The following SOS1 variants were observed in gnomAD, a reference collection of about 807,000 sequenced individuals.
SOS1 encodes son of sevenless homolog 1.
A neutral mutation model predicts 157.6 loss-of-function variants in SOS1; 25 were observed. The observed-to-expected ratio is 0.16, with a 90% CI of 0.12 to 0.22. The LOEUF is 0.22. Among genes scored for constraint, SOS1 ranks in the 10% least tolerant of loss-of-function variants. The pLI, the probability that SOS1 is intolerant of heterozygous loss-of-function variation, is 1.00. For missense variants in SOS1, 1,237 were observed against 1,599.1 expected, an observed-to-expected ratio of 0.77 and a Z score of 3.86; for synonymous variants, 528 against 534.0, an observed-to-expected ratio of 0.99 and a Z score of 0.16.
rs192339222 is a variant in SOS1 at position 38,985,478 on chromosome 2, T to C, written c.*346A>G. 9 of 209,720 alleles carry C rather than the reference T, an allele frequency of 4.3e-5. 1 individual carries two copies. The highest frequency in any genetic ancestry group is 4.1e-4 in the Admixed American group (8 of 19,654). The allele number at this position is 209,720 out of a possible 1,614,324, so 13.0% of individuals were successfully genotyped here. ...TACAAAAACTGTCATGTGGGCCTGC[T>C]GGACACTAGACTGTGTTTTCCATCC... On this transcript the variant is annotated 3_prime_UTR_variant, in exon 23 of 23. Transcript: ENST00000402219.
At chr2:39,087,707 A>T (rs1201098008) in intron 1 of SOS1, among the ~76,000 whole-genome samples, 1 of 152,140 alleles carries the variant, frequency 6.6e-6, no homozygotes, top group African/African-American at 2.4e-5. Context: ...GAGTCTCTGT[A>T]ACCCAGGTTG....
chr2:39,093,008 A>G (rs928565920), intron 1 of SOS1, among the ~76,000 whole-genome samples: 1 of 152,214 alleles, frequency 6.6e-6, no homozygotes, highest in Admixed American at 6.5e-5. Flanking sequence ...GTAAACTGTG[A>G]CTCTTAAAAA....
intron 4 of SOS1, among the ~76,000 whole-genome samples, chr2:39,056,050 T>G (rs1236391228): frequency 6.6e-6 from 1 of 152,224 alleles, no homozygotes; most frequent in Non-Finnish European, 1.5e-5. Context: ...GAAGTAAAAC[T>G]ATCGTTTTGT....
At chr2:39,110,801 T>C (rs894538439) in intron 1 of SOS1, among the ~76,000 whole-genome samples, 2 of 152,214 alleles carry the variant, frequency 1.3e-5, no homozygotes, top group African/African-American at 2.4e-5. Flanking sequence ...TTTGACTCCA[T>C]CAGTATTAAA....
chr2:39,067,127 C>T (rs1340843245), intron 2 of SOS1, among the ~76,000 whole-genome samples: 1 of 152,034 alleles, frequency 6.6e-6, no homozygotes, highest in Non-Finnish European at 1.5e-5. Context: ...CCTCCTGACT[C>T]AGCGTCCTGA....
At chr2:39,027,755 A>T (rs2373496) in intron 8 of SOS1, among the ~76,000 whole-genome samples, 140,937 of 152,242 alleles carry the variant, frequency 0.93, 65,334 homozygotes, top group African/African-American at 0.94. Context: ...GAATAGTTTT[A>T]AAAAAAGTAC....
At chr2:39,071,500 C>T (rs1671791951) in intron 1 of SOS1, among the ~76,000 whole-genome samples, 1 of 152,070 alleles carries the variant, frequency 6.6e-6, no homozygotes, top group South Asian at 2.1e-4. Flanking sequence ...CACAAAGGAT[C>T]CCAATGTTTA....
In SOS1 at chr2:39,023,034, T is replaced by C; in HGVS notation, c.1394A>G (p.Asp465Gly). The C allele has an allele frequency of 6.2e-7, 1 of 1,613,720 alleles. No individual in the cohort carries two copies. Among genetic ancestry groups the C allele is most frequent in the Non-Finnish European group, 8.5e-7 (1 of 1,179,702 alleles). The change falls in exon 10 of 23, where the codon GAT becomes GGT. Residue 465 changes from aspartate (D) to glycine (G), a missense_variant. Transcript: ENST00000402219. ...TGATTTACAGCAAATCATTAAGCCA[T>C]CAAAGAGAAATATGTGTCTCTCATG... is the stretch of plus-strand genomic sequence containing the variant. ...AKHERHIFLF[D>G]GLMICCKSNH...
At chr2:39,033,757 G>A (rs1221639120) in intron 8 of SOS1, among the ~76,000 whole-genome samples, 4 of 152,112 alleles carry the variant, frequency 2.6e-5, no homozygotes, top group Non-Finnish European at 5.9e-5. Context: ...AGCTGGTCTT[G>A]AACACCTGGG....
chr2:39,056,368 G>A (rs1382334983), intron 4 of SOS1, among the ~76,000 whole-genome samples: 1 of 152,064 alleles, frequency 6.6e-6, no homozygotes, highest in Non-Finnish European at 1.5e-5. Flanking sequence ...AGTGAGCCAA[G>A]ACTGTGCCAC....
intron 1 of SOS1, among the ~76,000 whole-genome samples, chr2:39,099,023 G>A (rs297150): frequency 0.93 from 142,163 of 152,334 alleles, 66,453 homozygotes; most frequent in African/African-American, 0.97. Context: ...TTCATCATCA[G>A]TTATTAGGGT....
intron 1 of SOS1, among the ~76,000 whole-genome samples, chr2:39,096,118 A>G (rs1401414573): frequency 6.6e-6 from 1 of 152,262 alleles, no homozygotes; most frequent in Non-Finnish European, 1.5e-5. Flanking sequence ...AAGTATTAAA[A>G]TGAACATCTA....
intron 13 of SOS1, 81 bp from the exon 14 acceptor site, chr2:39,012,429 C>T (rs553327226): frequency 4.3e-5 from 25 of 582,018 alleles, no homozygotes; most frequent in African/African-American, 3.0e-4. Context: ...TAAAGTCACA[C>T]GGATGACACC....
At chr2:39,011,167 G>A (rs1669455637) in intron 14 of SOS1, among the ~76,000 whole-genome samples, 1 of 152,126 alleles carries the variant, frequency 6.6e-6, no homozygotes, top group African/African-American at 2.4e-5. Flanking sequence ...AAAATGCTGG[G>A]ATTACAGGAG....
intron 20 of SOS1, 105 bp from the exon 21 acceptor site, chr2:38,989,419 T>A: frequency 1.3e-6 from 1 of 755,904 alleles, no homozygotes; most frequent in South Asian, 1.5e-5. Flanking sequence ...CATTGTCGTT[T>A]TAAAGAATGC....
intron 1 of SOS1, among the ~76,000 whole-genome samples, chr2:39,079,487 ATT>A (rs1201929648): frequency 1.2e-5 from 1 of 82,700 alleles, no homozygotes; most frequent in Non-Finnish European, 2.2e-5. Context: ...AAGTGTTCGA[ATT>A]TTTTTTTTTT....
At chr2:38,988,218 T>C (rs968119858) in intron 21 of SOS1, among the ~76,000 whole-genome samples, 2 of 152,208 alleles carry the variant, frequency 1.3e-5, no homozygotes, top group Admixed American at 1.3e-4. Flanking sequence ...GTGATGGCAC[T>C]ATTCAAGACA....
intron 8 of SOS1, among the ~76,000 whole-genome samples, chr2:39,030,111 A>T (rs1455753943): frequency 2.0e-5 from 3 of 152,154 alleles, no homozygotes; most frequent in African/African-American, 7.2e-5. Flanking sequence ...GGTTACAGTG[A>T]GCTGTGATAG....
chr2:39,043,206 A>G (rs1277872767), intron 6 of SOS1, among the ~76,000 whole-genome samples: 1 of 152,224 alleles, frequency 6.6e-6, no homozygotes, highest in African/African-American at 2.4e-5. Flanking sequence ...TCATGAGTGA[A>G]TGTTTAATTT....
Sources: gnomAD v4.1 joint callset for allele counts (sites outside exome capture counted in the v4.1 genomes callset) on GRCh38, gnomAD v4.1.1 for gene constraint, MANE v1.5 for transcripts, NCBI Gene and HGNC (gene_info 2026-07-23, HGNC 2026-07-21) for gene names.